Variants in DGKB observed in about 807,000 individuals in gnomAD.
The protein encoded by DGKB is 90 kDa diacylglycerol kinase.
In DGKB, 67 loss-of-function variants were observed where a neutral mutation model predicts 114.3. The ratio of observed to expected loss-of-function variants is 0.59; its 90% CI spans 0.48 to 0.72. The LOEUF is 0.72. DGKB is among the 30% of genes least tolerant of loss of function. The probability of loss-of-function intolerance (pLI) is 0.00; values close to 1 mark genes in which losing one functional copy is unlikely to be tolerated. For synonymous variants in DGKB, 398 were observed against 323.1 expected (o/e 1.23, Z -2.49); for missense variants, 907 against 975.2 (o/e 0.93, Z 0.93).
intron 2 of DGKB, among the ~76,000 whole-genome samples, chr7:14,821,461 C>T (rs961794781): frequency 2.6e-5 from 4 of 152,034 alleles, no homozygotes; most frequent in African/African-American, 9.7e-5. Context: ...CTTCAAGTGG[C>T]CAAGAGAGGT....
intron 23 of DGKB, among the ~76,000 whole-genome samples, chr7:14,281,900 G>C (rs1364271870): frequency 1.4e-5 from 2 of 138,084 alleles, no homozygotes; most frequent in South Asian, 5.1e-4. Context: ...ATGCCCACAA[G>C]AGAAAGCAGG....
At chr7:14,317,624 G>A (rs1432311392) in intron 23 of DGKB, among the ~76,000 whole-genome samples, 11 of 132,356 alleles carry the variant, frequency 8.3e-5, no homozygotes, top group Admixed American at 7.6e-4. Flanking sequence ...CACTGCTCAA[G>A]GAAATAAAAG....
chr7:14,900,328 G>C (rs1323609213), intron 1 of DGKB, among the ~76,000 whole-genome samples: 1 of 152,108 alleles, frequency 6.6e-6, no homozygotes, highest in African/African-American at 2.4e-5. Context: ...TATTTTTCCT[G>C]GAGTTTGCTC....
intron 1 of DGKB, among the ~76,000 whole-genome samples, chr7:14,845,628 T>G (rs1302618473): frequency 1.6e-5 from 2 of 124,522 alleles, no homozygotes; most frequent in African/African-American, 3.0e-5. Context: ...GTATATAGTC[T>G]CAGGTCAATG....
intron 21 of DGKB, among the ~76,000 whole-genome samples, chr7:14,402,687 C>A (rs1298231593): frequency 2.0e-5 from 3 of 151,806 alleles, no homozygotes; most frequent in Non-Finnish European, 2.9e-5. Context: ...TTTTATGTGT[C>A]AATTTGGTAA....
At position 14,841,382 on chromosome 7, in the gene DGKB, T is replaced by C; in HGVS notation, c.-119A>G. On this transcript the variant is annotated 5_prime_UTR_variant, in exon 2 of 26. Coordinates refer to ENST00000402815, the MANE Select transcript of DGKB (RefSeq NM_001350709.2). ...GTTTCATGATAAAATACCTCAGGCT[T>C]TCAAAATATGCAATCTGTCCACATG... 1.3e-6 allele frequency: 1 copy of C among 788,252 alleles called. No individual in the cohort carries two copies. Among genetic ancestry groups the C allele is most frequent in the East Asian group, 2.8e-5 (1 of 35,764 alleles). 48.8% of individuals were successfully genotyped at this position (788,252 alleles called of 1,614,324 possible). A position where few individuals can be genotyped will look rare whatever the true frequency, so the allele number is the denominator to read the frequency against.
At chr7:14,319,378 A>C (rs1275951601) in intron 23 of DGKB, among the ~76,000 whole-genome samples, 2 of 152,220 alleles carry the variant, frequency 1.3e-5, no homozygotes, top group East Asian at 3.8e-4. Context: ...AGAGATTTAT[A>C]AAAAGCAATA....
At chr7:14,543,602 C>T (rs1314581047) in intron 20 of DGKB, among the ~76,000 whole-genome samples, 3 of 152,190 alleles carry the variant, frequency 2.0e-5, no homozygotes, top group African/African-American at 7.2e-5. Flanking sequence ...AACTTCACTT[C>T]TCTTCAGTGG....
intron 2 of DGKB, among the ~76,000 whole-genome samples, chr7:14,810,763 C>T (rs2128078512): frequency 6.6e-6 from 1 of 152,220 alleles, no homozygotes; most frequent in East Asian, 1.9e-4. Flanking sequence ...CATGCGCCAC[C>T]ATGCCAGGCT....
intron 6 of DGKB, among the ~76,000 whole-genome samples, chr7:14,710,840 A>T (rs1213098009): frequency 1.3e-5 from 2 of 152,122 alleles, no homozygotes; most frequent in Non-Finnish European, 2.9e-5. Context: ...AAATGCCTGT[A>T]ATAATCCCAA....
chr7:14,313,449 T>A (rs1180083160), intron 23 of DGKB, among the ~76,000 whole-genome samples: 1 of 152,132 alleles, frequency 6.6e-6, no homozygotes, highest in Non-Finnish European at 1.5e-5. Context: ...GGCGAGGCAT[T>A]GCCTCACTCG....
intron 6 of DGKB, among the ~76,000 whole-genome samples, chr7:14,703,282 G>A (rs1375205902): frequency 2.6e-5 from 4 of 152,142 alleles, no homozygotes; most frequent in South Asian, 2.1e-4. Flanking sequence ...CCTTACTGGA[G>A]TAAATGACTG....
At chr7:14,935,521 G>T (rs913792574) in intron 1 of DGKB, among the ~76,000 whole-genome samples, 2 of 152,038 alleles carry the variant, frequency 1.3e-5, no homozygotes, top group African/African-American at 4.8e-5. Flanking sequence ...TTTCAGTCAG[G>T]TCATAGTAAT....
At chr7:14,874,040 A>C (rs933306091) in intron 1 of DGKB, among the ~76,000 whole-genome samples, 2 of 152,116 alleles carry the variant, frequency 1.3e-5, no homozygotes, top group Admixed American at 1.3e-4. Context: ...TCTGTCTTTA[A>C]ATAAAATTCT....
At chr7:14,533,892 T>C (rs1018677496) in intron 20 of DGKB, among the ~76,000 whole-genome samples, 6 of 151,958 alleles carry the variant, frequency 3.9e-5, no homozygotes, top group Non-Finnish European at 7.4e-5. Context: ...TCACTAGATA[T>C]ATCCTGCAAG....
chr7:14,175,384 C>T (rs1205920881), intron 25 of DGKB, among the ~76,000 whole-genome samples: 1 of 152,206 alleles, frequency 6.6e-6, no homozygotes, highest in Non-Finnish European at 1.5e-5. Flanking sequence ...GTAAATCACA[C>T]TATCATTCTT....
At chr7:14,947,173 T>C (rs1163797840) in intron 1 of DGKB, among the ~76,000 whole-genome samples, 1 of 151,702 alleles carries the variant, frequency 6.6e-6, no homozygotes, top group Non-Finnish European at 1.5e-5. Flanking sequence ...CTTATTTTAC[T>C]AAGTATCTTT....
chr7:14,484,477 C>A (rs1252367572), intron 20 of DGKB, among the ~76,000 whole-genome samples: 1 of 152,132 alleles, frequency 6.6e-6, no homozygotes, highest in East Asian at 1.9e-4. Flanking sequence ...CTCATGAGAT[C>A]TGGCTTCCTA....
At chr7:14,638,873 T>G (rs1161402361) in intron 13 of DGKB, among the ~76,000 whole-genome samples, 1 of 151,574 alleles carries the variant, frequency 6.6e-6, no homozygotes, top group African/African-American at 2.4e-5. Flanking sequence ...CCATCTCTAC[T>G]AAAAAAATAC....
Sources: gnomAD v4.1 joint callset for allele counts (sites outside exome capture counted in the v4.1 genomes callset) on GRCh38, gnomAD v4.1.1 for gene constraint, MANE v1.5 for transcripts, NCBI Gene and HGNC (gene_info 2026-07-23, HGNC 2026-07-21) for gene names.